NECTIN3: variants seen among roughly 807,000 people sequenced by gnomAD.
NECTIN3 encodes the protein nectin cell adhesion molecule 3.
A neutral mutation model predicts 49.4 loss-of-function variants in NECTIN3; 8 were observed. That is an observed-to-expected ratio of 0.16 (90% confidence interval 0.10 to 0.29). The LOEUF (loss-of-function observed/expected upper bound fraction) is 0.29. Ranked by LOEUF, NECTIN3 falls within the 10% of genes least tolerant of loss-of-function variation. The probability of loss-of-function intolerance (pLI) is 1.00; values close to 1 mark genes in which losing one functional copy is unlikely to be tolerated. For missense variants in NECTIN3, 581 were observed against 654.6 expected (o/e 0.89, Z 1.23); for synonymous variants, 277 against 241.1 (o/e 1.15, Z -1.38).
At chr3:111,086,248 T>C (rs561644032) in intron 1 of NECTIN3, among the ~76,000 whole-genome samples, 8 of 152,324 alleles carry the variant, frequency 5.3e-5, no homozygotes, top group African/African-American at 1.9e-4. Context: ...CATTTCACTC[T>C]GTGAATGGTT....
chr3:111,160,319 T>C (rs962993056), intron 7 of NECTIN3, among the ~76,000 whole-genome samples: 3 of 152,216 alleles, frequency 2.0e-5, no homozygotes, highest in Non-Finnish European at 4.4e-5. Context: ...AACCCAATTG[T>C]GTTTCTCTCC....
At position 111,073,749 on chromosome 3, in the gene NECTIN3, A is replaced by G. The variant is rs141131609; in HGVS notation, c.160+1572A>G. ...GGACTGAGAGAATATTTATACCTCC[A>G]CAGAGGCAGATCTAGTTAGGCAAAG... On this transcript the variant is annotated intron_variant, in intron 1 of 5. Transcript: ENST00000485303. 2.7e-4 allele frequency among the ~76,000 whole-genome samples: 41 copies of G among 152,324 alleles called. No homozygotes were observed. The East Asian group carries it at 6.0e-3, about 22-fold the overall frequency.
intron 1 of NECTIN3, among the ~76,000 whole-genome samples, chr3:111,095,707 T>C (rs2032544780): frequency 6.6e-6 from 1 of 152,196 alleles, no homozygotes. Flanking sequence ...CTCCTTGTGA[T>C]AGTAAGTCTC....
At chr3:111,157,796 C>T (rs938998629) in intron 7 of NECTIN3, among the ~76,000 whole-genome samples, 5 of 151,720 alleles carry the variant, frequency 3.3e-5, no homozygotes, top group African/African-American at 1.2e-4. Flanking sequence ...TTTTTTTCCC[C>T]TGGGAAAATA....
intron 3 of NECTIN3, among the ~76,000 whole-genome samples, chr3:111,120,481 C>T (rs1478060956): frequency 6.6e-6 from 1 of 152,110 alleles, no homozygotes; most frequent in Non-Finnish European, 1.5e-5. Flanking sequence ...TGCCTAAACT[C>T]ACAGGTATCT....
chr3:111,084,374 G>A (rs1392291637), intron 1 of NECTIN3, among the ~76,000 whole-genome samples: 2 of 152,182 alleles, frequency 1.3e-5, no homozygotes, highest in Non-Finnish European at 2.9e-5. Flanking sequence ...CTTGTGAAAC[G>A]TGAAAGATGG....
intron 1 of NECTIN3, chr3:111,077,116 G>A (rs931408969): frequency 3.4e-5 from 11 of 324,114 alleles, no homozygotes; most frequent in East Asian, 8.1e-5. Flanking sequence ...TAGCCATATC[G>A]CAGGTATTAT....
At chr3:111,150,888 A>C (rs897531763) in intron 7 of NECTIN3, among the ~76,000 whole-genome samples, 8 of 151,932 alleles carry the variant, frequency 5.3e-5, no homozygotes, top group African/African-American at 1.9e-4. Context: ...AAATGAATTA[A>C]ATTTTTTAAA....
At chr3:111,080,871 G>A (rs1180842048) in intron 1 of NECTIN3, among the ~76,000 whole-genome samples, 1 of 152,154 alleles carries the variant, frequency 6.6e-6, no homozygotes, top group Non-Finnish European at 1.5e-5. Flanking sequence ...AACATGCCAA[G>A]TGATATGATA....
chr3:111,101,925 T>C (rs2032927018), intron 1 of NECTIN3, among the ~76,000 whole-genome samples: 1 of 152,200 alleles, frequency 6.6e-6, no homozygotes, highest in Non-Finnish European at 1.5e-5. Flanking sequence ...ACTGAATCTT[T>C]GCTTAGCATG....
chr3:111,155,498 A>T (rs2035079078), intron 7 of NECTIN3, among the ~76,000 whole-genome samples: 1 of 152,182 alleles, frequency 6.6e-6, no homozygotes, highest in Admixed American at 6.5e-5. Flanking sequence ...CACGATGTTT[A>T]TGTGTTGGGA....
rs894214858 is a variant in NECTIN3, at chr3:111,085,875, C to T, written c.160+13698C>T. ...GGTGGTATTGCTGGTTCATATTATG[C>T]ATATTTTTGTTGGAATAATTTTCCA... On this transcript the variant is annotated intron_variant, in intron 1 of 5. Transcript: ENST00000485303. Among the ~76,000 whole-genome samples the T allele has an allele frequency of 2.6e-5, 4 of 152,028 alleles. No individual in the cohort carries two copies. In the South Asian group the frequency reaches 8.3e-4, roughly 32 times the overall value.
At chr3:111,138,107 A>G (rs1176652994), downstream of NECTIN3, among the ~76,000 whole-genome samples, 1 of 151,584 alleles carries the variant, frequency 6.6e-6, no homozygotes, top group African/African-American at 2.4e-5. Context: ...TTCATAAGGT[A>G]TTTCTTAAGT....
At chr3:111,139,026 A>C (rs796464731), downstream of NECTIN3, among the ~76,000 whole-genome samples, 4 of 151,678 alleles carry the variant, frequency 2.6e-5, no homozygotes, top group South Asian at 8.3e-4. Context: ...AGAATAATGA[A>C]ATGGACCTCC....
intron 7 of NECTIN3, among the ~76,000 whole-genome samples, chr3:111,184,001 A>G (rs1317524639): frequency 1.3e-5 from 2 of 152,098 alleles, no homozygotes; most frequent in African/African-American, 2.4e-5. Flanking sequence ...TTTTGATATT[A>G]TCTCACAGAT....
chr3:111,129,474 T>G, intron 5 of NECTIN3, among the ~76,000 whole-genome samples: 2 of 152,148 alleles, frequency 1.3e-5, no homozygotes, highest in East Asian at 3.8e-4. Flanking sequence ...ATGATAGACG[T>G]TCAATACAGT....
At chr3:111,123,908 A>G (rs766831527) in intron 4 of NECTIN3, among the ~76,000 whole-genome samples, 2 of 152,166 alleles carry the variant, frequency 1.3e-5, no homozygotes, top group Non-Finnish European at 2.9e-5. Context: ...GACCTAAGGC[A>G]TATATTGTTT....
intron 7 of NECTIN3, among the ~76,000 whole-genome samples, chr3:111,179,621 G>A (rs1463218323): frequency 2.0e-5 from 3 of 152,068 alleles, no homozygotes; most frequent in African/African-American, 4.8e-5. Flanking sequence ...CTGGCTGGGC[G>A]CGGTGGCTCA....
intron 1 of NECTIN3, among the ~76,000 whole-genome samples, chr3:111,084,096 G>A: frequency 6.6e-6 from 1 of 152,048 alleles, no homozygotes; most frequent in East Asian, 1.9e-4. Flanking sequence ...ACAGATGAGA[G>A]ATGCTAGTAT....
Sources: gnomAD v4.1 joint callset for allele counts (sites outside exome capture counted in the v4.1 genomes callset) on GRCh38, gnomAD v4.1.1 for gene constraint, MANE v1.5 for transcripts, NCBI Gene and HGNC (gene_info 2026-07-23, HGNC 2026-07-21) for gene names.